POU2F3: variants seen among roughly 807,000 people sequenced by gnomAD.
The protein encoded by POU2F3 is POU class 2 homeobox 3.
In POU2F3, 23 loss-of-function variants were observed where a neutral mutation model predicts 59.2. That is an observed-to-expected ratio of 0.39 (90% CI 0.28 to 0.55). POU2F3 has a LOEUF of 0.55. Ranked by LOEUF, POU2F3 falls within the 20% of genes least tolerant of loss-of-function variation. The pLI is 0.66. For missense variants in POU2F3, 473 were observed against 544.5 expected (o/e 0.87, Z 1.31); for synonymous variants, 190 against 214.6 (o/e 0.89, Z 1.00).
intron 4 of POU2F3, among the ~76,000 whole-genome samples, 164 bp from the exon 5 acceptor site, chr11:120,299,460 A>C (rs1032268809): frequency 4.6e-5 from 7 of 152,212 alleles, no homozygotes; most frequent in African/African-American, 1.7e-4. Context: ...TTAACGGAGT[A>C]GCTACTATTT....
chr11:120,290,471 CT>C (rs1213291823), intron 3 of POU2F3, among the ~76,000 whole-genome samples: 1 of 152,148 alleles, frequency 6.6e-6, no homozygotes, highest in African/African-American at 2.4e-5. Context: ...GCCCAGAATT[CT>C]GAGTGGGAGG....
At position 120,278,519 on chromosome 11, in the gene POU2F3, A is replaced by G. The variant is rs560037161; in HGVS notation, c.132+9275A>G. Among the ~76,000 whole-genome samples, 4 of 152,264 alleles carry G rather than the reference A, an allele frequency of 2.6e-5. No individual in the cohort carries two copies. In the South Asian group the frequency reaches 8.3e-4, roughly 32 times the overall value. ...CCACATAGAAATACAACACCAGGAA[A>G]AGGCGCCCCCAGAAAGAATGCATAC... On this transcript the variant is annotated intron_variant, in intron 3 of 12. Coordinates refer to ENST00000543440, the MANE Select transcript of POU2F3 (RefSeq NM_014352.4).
chr11:120,248,725 G>C (rs1433708714), intron 2 of POU2F3, among the ~76,000 whole-genome samples: 2 of 152,156 alleles, frequency 1.3e-5, no homozygotes, highest in African/African-American at 4.8e-5. Context: ...TCAAATTACT[G>C]CCTGTGTTTA....
chr11:120,275,347 G>A (rs1313384633), intron 3 of POU2F3, among the ~76,000 whole-genome samples: 1 of 152,128 alleles, frequency 6.6e-6, no homozygotes, highest in African/African-American at 2.4e-5. Context: ...CCTGGCAGTT[G>A]TGTTCAGGAG....
chr11:120,250,597 T>C (rs935310429), intron 2 of POU2F3, among the ~76,000 whole-genome samples: 5 of 152,354 alleles, frequency 3.3e-5, no homozygotes, highest in South Asian at 4.1e-4. Flanking sequence ...GAACTAAGCC[T>C]GAGTCTTTCT....
At position 120,305,107 on chromosome 11, in the gene POU2F3, G is replaced by A. The variant is rs747177894; in HGVS notation, c.522G>A (p.Lys174=). Residue 174 remains lysine (K), a synonymous_variant, in exon 7 of 13, where the codon AAG becomes AAA. Coordinates refer to ENST00000543440, the MANE Select transcript of POU2F3 (RefSeq NM_014352.4). ...CATCCCAGCATCTCCCAGTGCCCAA[G>A]CATCTACCCAGCTCTGGAGGGGCCG... ...LEASQHLPVP[K]HLPSSGGADE... 3.1e-6 allele frequency: 5 copies of A among 1,613,870 alleles called. No homozygotes were observed. The African/African-American group carries it at 6.7e-5, about 22-fold the overall frequency.
chr11:120,299,885 G>A (rs1941299653), intron 5 of POU2F3, among the ~76,000 whole-genome samples, 159 bp downstream of exon 5: 1 of 152,200 alleles, frequency 6.6e-6, no homozygotes, highest in Non-Finnish European at 1.5e-5. Context: ...CTGAGGAAGG[G>A]ACCCTGGCAA....
At chr11:120,273,593 T>C (rs1290921140) in intron 3 of POU2F3, among the ~76,000 whole-genome samples, 1 of 152,182 alleles carries the variant, frequency 6.6e-6, no homozygotes, top group Non-Finnish European at 1.5e-5. Context: ...TAGTTTCATT[T>C]ACTAGAAGAG....
intron 1 of POU2F3, 87 bp from the exon 2 acceptor site, chr11:120,246,362 T>G (rs979140028): frequency 1.6e-6 from 2 of 1,277,558 alleles, no homozygotes; most frequent in Non-Finnish European, 2.3e-6. Context: ...AATTACACAT[T>G]CATCTTTGTT....
At chr11:120,286,758 A>T (rs948901707) in intron 3 of POU2F3, among the ~76,000 whole-genome samples, 1 of 151,594 alleles carries the variant, frequency 6.6e-6, no homozygotes, top group Non-Finnish European at 1.5e-5. Context: ...TAAGTAAAGG[A>T]TTTTTATATT....
intron 1 of POU2F3, 113 bp from the exon 2 acceptor site, chr11:120,246,336 G>C: frequency 9.1e-7 from 1 of 1,095,104 alleles, no homozygotes; most frequent in Non-Finnish European, 1.4e-6. Context: ...GAATTTGAAA[G>C]TCTGATGGTT....
At chr11:120,274,443 A>G (rs1940238666) in intron 3 of POU2F3, among the ~76,000 whole-genome samples, 1 of 152,254 alleles carries the variant, frequency 6.6e-6, no homozygotes, top group African/African-American at 2.4e-5. Context: ...ATTCTGAGAT[A>G]AGATCAGGAA....
At chr11:120,313,960 A>C (rs1265860550) in intron 10 of POU2F3, among the ~76,000 whole-genome samples, 1 of 152,148 alleles carries the variant, frequency 6.6e-6, no homozygotes, top group Non-Finnish European at 1.5e-5. Flanking sequence ...GTTGCAGTGA[A>C]CCGTGATCGT....
At chr11:120,274,057 G>GAAAGAGAGAAAGAAAGAA (rs1239068495) in intron 3 of POU2F3, among the ~76,000 whole-genome samples, 32 of 147,670 alleles carry the variant, frequency 2.2e-4, no homozygotes, top group African/African-American at 7.8e-4. Flanking sequence ...AGGAAAGAAA[G>GAAAGAGAGAAAGAAAGAA]AAAGAGAGAA....
At chr11:120,313,534 G>A (rs761292731) in intron 10 of POU2F3, among the ~76,000 whole-genome samples, 2 of 152,206 alleles carry the variant, frequency 1.3e-5, no homozygotes, top group Non-Finnish European at 2.9e-5. Context: ...AGTTTCTTCT[G>A]CTTCTGGAAT....
intron 3 of POU2F3, among the ~76,000 whole-genome samples, chr11:120,278,530 A>G (rs1483119605): frequency 3.9e-5 from 6 of 152,154 alleles, no homozygotes; most frequent in Non-Finnish European, 5.9e-5. Context: ...AGGCGCCCCC[A>G]GAAAGAATGC....
At chr11:120,306,223 G>A (rs1387415774) in intron 8 of POU2F3, among the ~76,000 whole-genome samples, 1 of 152,170 alleles carries the variant, frequency 6.6e-6, no homozygotes, top group African/African-American at 2.4e-5. Flanking sequence ...CTTTCCCTGG[G>A]TAGTTCTTGA....
chr11:120,252,383 T>A (rs1056328856), intron 2 of POU2F3, among the ~76,000 whole-genome samples: 1 of 151,898 alleles, frequency 6.6e-6, no homozygotes, highest in African/African-American at 2.4e-5. Context: ...AATTTTTGTA[T>A]TTTTAGTAGG....
At chr11:120,307,109 C>T (rs755833183) in intron 8 of POU2F3, among the ~76,000 whole-genome samples, 21 of 152,226 alleles carry the variant, frequency 1.4e-4, no homozygotes, top group African/African-American at 3.6e-4. Context: ...AGCAGCCTCA[C>T]GAGCATTACT....
Sources: allele counts gnomAD v4.1 joint callset (sites outside exome capture counted in the v4.1 genomes callset), GRCh38; gene constraint gnomAD v4.1.1; transcripts MANE v1.5; gene names NCBI Gene and HGNC (gene_info 2026-07-23, HGNC 2026-07-21).